The following FNDC3B variants were observed in gnomAD, a reference collection of about 807,000 sequenced individuals.
FNDC3B encodes fibronectin type III domain containing 3B.
Under a neutral mutation model 151.5 loss-of-function variants are expected in FNDC3B, and 12 were observed. The ratio of observed to expected loss-of-function variants is 0.08; its 90% CI spans 0.05 to 0.13. The LOEUF (loss-of-function observed/expected upper bound fraction) is 0.13. Ranked by LOEUF, FNDC3B falls within the 10% of genes least tolerant of loss-of-function variation. FNDC3B has a pLI of 1.00. For missense variants in FNDC3B, 1,214 were observed against 1,505.3 expected (o/e 0.81, Z 3.20); for synonymous variants, 528 against 549.0 (o/e 0.96, Z 0.54).
intron 25 of FNDC3B, among the ~76,000 whole-genome samples, chr3:172,394,961 A>G (rs988173167): frequency 7.2e-5 from 11 of 152,186 alleles, no homozygotes; most frequent in African/African-American, 2.7e-4. Context: ...AATGTGATAC[A>G]TCATTAACAG....
chr3:172,380,707 T>C (rs552954378), intron 24 of FNDC3B, among the ~76,000 whole-genome samples: 305 of 152,312 alleles, frequency 2.0e-3, no homozygotes, highest in African/African-American at 6.6e-3. Flanking sequence ...GAAAAAAAGA[T>C]GTGATCCACA....
At chr3:172,184,945 A>G (rs1724093404) in intron 3 of FNDC3B, among the ~76,000 whole-genome samples, 1 of 152,224 alleles carries the variant, frequency 6.6e-6, no homozygotes, top group African/African-American at 2.4e-5. Flanking sequence ...AAGCAAAGGA[A>G]AAGAAAAAAA....
intron 2 of FNDC3B, among the ~76,000 whole-genome samples, chr3:172,126,652 G>A (rs1481560082): frequency 6.6e-6 from 1 of 152,130 alleles, no homozygotes; most frequent in Admixed American, 6.5e-5. Flanking sequence ...GGTGGACAAC[G>A]TCTCAAACTA....
chr3:172,155,737 A>G (rs1722447579), intron 3 of FNDC3B, among the ~76,000 whole-genome samples: 1 of 152,232 alleles, frequency 6.6e-6, no homozygotes, highest in African/African-American at 2.4e-5. Context: ...AATATGTAAT[A>G]GGCCTATTTC....
At chr3:172,384,411 T>C (rs1576966527) in intron 25 of FNDC3B, among the ~76,000 whole-genome samples, 1 of 152,216 alleles carries the variant, frequency 6.6e-6, no homozygotes, top group African/African-American at 2.4e-5. Flanking sequence ...CAGAAAGATA[T>C]GATTGGTTTC....
At chr3:172,056,943 AAT>A (rs1462637777) in intron 1 of FNDC3B, among the ~76,000 whole-genome samples, 1 of 152,178 alleles carries the variant, frequency 6.6e-6, no homozygotes, top group Non-Finnish European at 1.5e-5. Flanking sequence ...AAAATGAAAT[AAT>A]ATATATCAAA....
At chr3:172,283,260 TC>T (rs1560056276) in intron 6 of FNDC3B, among the ~76,000 whole-genome samples, 1 of 152,198 alleles carries the variant, frequency 6.6e-6, no homozygotes, top group African/African-American at 2.4e-5. Flanking sequence ...TTCCTTTTAA[TC>T]TAGCCTCTTT....
chr3:172,139,511 G>T (rs1344156904), intron 3 of FNDC3B, among the ~76,000 whole-genome samples: 1 of 152,148 alleles, frequency 6.6e-6, no homozygotes, highest in Admixed American at 6.5e-5. Flanking sequence ...GTGAATCTCT[G>T]TCTTGGCTGA....
chr3:172,355,019 T>C (rs1734026256), intron 22 of FNDC3B, among the ~76,000 whole-genome samples: 1 of 152,168 alleles, frequency 6.6e-6, no homozygotes, highest in South Asian at 2.1e-4. Context: ...CATTTCTCCA[T>C]GGGTGCTATT....
chr3:172,133,650 G>A (rs374846620), intron 3 of FNDC3B, 104 bp downstream of exon 3: 7 of 837,928 alleles, frequency 8.4e-6, no homozygotes. Context: ...TAGAAGTAAA[G>A]TATATCTTGG....
chr3:172,039,930 A>G (rs1715930080), intron 1 of FNDC3B, among the ~76,000 whole-genome samples, 159 bp downstream of exon 1: 1 of 151,880 alleles, frequency 6.6e-6, no homozygotes, highest in South Asian at 2.1e-4. Context: ...TTGGCGCCGG[A>G]GTGCTGGGGC....
intron 3 of FNDC3B, among the ~76,000 whole-genome samples, chr3:172,224,483 C>T (rs1726449117): frequency 6.6e-6 from 1 of 152,118 alleles, no homozygotes; most frequent in South Asian, 2.1e-4. Flanking sequence ...TTGGATTGAA[C>T]GGTTGGCATT....
chr3:172,041,737 G>A (rs755100443), intron 1 of FNDC3B, among the ~76,000 whole-genome samples: 1 of 152,102 alleles, frequency 6.6e-6, no homozygotes, highest in Non-Finnish European at 1.5e-5. Flanking sequence ...CCCGGGCAAC[G>A]CCCCACAGTG....
rs1553769230 is a variant in FNDC3B, at chr3:172,174,941, C to CG, written c.187+41395_187+41396insG. Among the ~76,000 whole-genome samples the CG allele has an allele frequency of 2.1e-3, 138 of 64,564 alleles. 14 individuals carry two copies. Among genetic ancestry groups the CG allele is most frequent in the Middle Eastern group, 0.011 (2 of 178 alleles). The allele number at this position is 64,564 out of a possible 152,430, so 42.4% of individuals were successfully genotyped here. ...GAGACCTTCCCCCCGCCACCCCCCCCCCCCCAATACAATTTGCTGTCCATC... is the reference window on the plus strand; with the variant it reads ...GAGACCTTCCCCCCGCCACCCCCCCCGCCCCCAATACAATTTGCTGTCCATC... On this transcript the variant is annotated intron_variant, in intron 3 of 25. Coordinates refer to ENST00000415807, the MANE Select transcript of FNDC3B (RefSeq NM_022763.4).
At chr3:172,068,031 C>T (rs954584985) in intron 1 of FNDC3B, among the ~76,000 whole-genome samples, 6 of 152,322 alleles carry the variant, frequency 3.9e-5, no homozygotes, top group African/African-American at 9.6e-5. Context: ...AGTCACAGGG[C>T]GACTGCCTTG....
At chr3:172,378,717 T>A (rs949410812) in intron 24 of FNDC3B, among the ~76,000 whole-genome samples, 1 of 152,084 alleles carries the variant, frequency 6.6e-6, no homozygotes, top group African/African-American at 2.4e-5. Context: ...TTAAGACAGT[T>A]TACCAAGGAA....
intron 1 of FNDC3B, among the ~76,000 whole-genome samples, chr3:172,090,281 G>T (rs1718749084): frequency 6.6e-6 from 1 of 152,098 alleles, no homozygotes; most frequent in Non-Finnish European, 1.5e-5. Context: ...ACATCTCCTA[G>T]CTCCTTAATC....
chr3:172,133,348 T>G, intron 2 of FNDC3B, 123 bp from the exon 3 acceptor site: 1 of 730,038 alleles, frequency 1.4e-6, no homozygotes, highest in Non-Finnish European at 2.3e-6. Context: ...ATACTCCAAG[T>G]TTTGTGTTTA....
chr3:172,186,192 TATG>T (rs946192518), intron 3 of FNDC3B, among the ~76,000 whole-genome samples: 2 of 152,200 alleles, frequency 1.3e-5, no homozygotes, highest in African/African-American at 4.8e-5. Context: ...CTTTTTCTCT[TATG>T]ATGCTCTGCC....
Sources: allele counts gnomAD v4.1 joint callset (sites outside exome capture counted in the v4.1 genomes callset), GRCh38; gene constraint gnomAD v4.1.1; transcripts MANE v1.5; gene names NCBI Gene and HGNC (gene_info 2026-07-23, HGNC 2026-07-21).